MAP2K1: variants seen among roughly 807,000 people sequenced by gnomAD.
The protein encoded by MAP2K1 is dual specificity mitogen-activated protein kinase kinase 1.
In MAP2K1, 16 loss-of-function variants were observed where a neutral mutation model predicts 46.3. That is an observed-to-expected ratio of 0.35 (90% confidence interval 0.23 to 0.52). MAP2K1 has a LOEUF of 0.52. MAP2K1 is among the 20% of genes least tolerant of loss of function. The pLI is 0.94. For missense variants in MAP2K1, 263 were observed against 497.1 expected (o/e 0.53, Z 4.48); for synonymous variants, 183 against 185.6 (o/e 0.99, Z 0.11).
In MAP2K1 at chr15:66,491,159, GT is replaced by G; in HGVS notation, c.*546del. Reference sequence around the variant, plus strand: ...TTTGCTTTTCATGTAGAACTCAGCAGTTGACATCCAAATCTAGCCAGAGCCC... The same window carrying G: ...TTTGCTTTTCATGTAGAACTCAGCAGTGACATCCAAATCTAGCCAGAGCCC... On this transcript the variant is annotated 3_prime_UTR_variant, in exon 11 of 11. Coordinates refer to ENST00000307102, the MANE Select transcript of MAP2K1 (RefSeq NM_002755.4). The G allele has an allele frequency of 3.6e-6, 1 of 280,196 alleles. No individual in the cohort carries two copies. Among genetic ancestry groups the G allele is most frequent in the Non-Finnish European group, 6.8e-6 (1 of 146,566 alleles). 17.4% of individuals were successfully genotyped at this position (280,196 alleles called of 1,614,324 possible). A position where few individuals can be genotyped will look rare whatever the true frequency, so the allele number is the denominator to read the frequency against.
intron 1 of MAP2K1, among the ~76,000 whole-genome samples, chr15:66,433,217 T>C (rs55867854): frequency 0.056 from 8,561 of 152,248 alleles, 345 homozygotes; most frequent in Middle Eastern, 0.11. Flanking sequence ...TTCCCACACC[T>C]TAGGGACTGG....
intron 5 of MAP2K1, among the ~76,000 whole-genome samples, chr15:66,470,094 G>GTTT (rs55637393): frequency 0.022 from 1,715 of 76,546 alleles, 4 homozygotes; most frequent in Middle Eastern, 0.056. Flanking sequence ...TTTTTTTCTT[G>GTTT]TTTTTTTTTT....
At chr15:66,415,894 A>G (rs1280965800) in intron 1 of MAP2K1, among the ~76,000 whole-genome samples, 2 of 152,182 alleles carry the variant, frequency 1.3e-5, no homozygotes, top group South Asian at 2.1e-4. Flanking sequence ...ACTTTAGACT[A>G]TATATTTCTA....
At chr15:66,422,803 T>A (rs1299999058) in intron 1 of MAP2K1, among the ~76,000 whole-genome samples, 1 of 152,162 alleles carries the variant, frequency 6.6e-6, no homozygotes, top group Non-Finnish European at 1.5e-5. Flanking sequence ...CTTTATCTCT[T>A]CAAGTATTTC....
At chr15:66,452,287 TAAAAA>T (rs146502834) in intron 5 of MAP2K1, among the ~76,000 whole-genome samples, 1 of 103,626 alleles carries the variant, frequency 9.7e-6, no homozygotes, top group African/African-American at 3.8e-5. Flanking sequence ...TAGAGTATAA[TAAAAA>T]AAAAAAAAAA....
At chr15:66,487,102 G>A (rs887787821) in intron 7 of MAP2K1, 126 bp from the exon 8 acceptor site, 8 of 771,576 alleles carry the variant, frequency 1.0e-5, no homozygotes, top group Non-Finnish European at 1.8e-5. Flanking sequence ...AGCCTTATCT[G>A]TGGCTGTTTA....
Position 66,481,896 on chromosome 15 carries a change from C to A in MAP2K1, c.693+17C>A, listed in dbSNP as rs781502567. The A allele has an allele frequency of 1.2e-6, 2 of 1,612,514 alleles. No homozygotes were observed. The highest frequency in any genetic ancestry group is 2.2e-5 in the South Asian group (2 of 91,048). Reference sequence around the variant, plus strand: ...TACATGTCGGTATGAACAGAAGTTTCCATTGCTTGAGCTTCTTGTACGGTC... The same window carrying A: ...TACATGTCGGTATGAACAGAAGTTTACATTGCTTGAGCTTCTTGTACGGTC... On this transcript the variant is annotated intron_variant, in intron 6 of 10. Coordinates refer to ENST00000307102, the MANE Select transcript of MAP2K1 (RefSeq NM_002755.4).
intron 5 of MAP2K1, among the ~76,000 whole-genome samples, chr15:66,455,757 A>G (rs943534605): frequency 3.3e-5 from 5 of 152,238 alleles, no homozygotes; most frequent in Non-Finnish European, 7.3e-5. Flanking sequence ...TGTCTCTGCC[A>G]TAATGGAGCA....
At chr15:66,446,891 C>T (rs933344314) in intron 5 of MAP2K1, 12 of 162,904 alleles carry the variant, frequency 7.4e-5, no homozygotes, top group African/African-American at 2.4e-4. Context: ...TATATACATT[C>T]GTTGAAAGTC....
intron 5 of MAP2K1, among the ~76,000 whole-genome samples, chr15:66,468,236 A>T (rs1320612185): frequency 6.6e-6 from 1 of 152,220 alleles, no homozygotes; most frequent in Non-Finnish European, 1.5e-5. Context: ...AGACATACTG[A>T]TAGAAGTACA....
chr15:66,414,010 C>T (rs191635427), intron 1 of MAP2K1, among the ~76,000 whole-genome samples: 4 of 144,284 alleles, frequency 2.8e-5, no homozygotes, highest in Non-Finnish European at 6.0e-5. Context: ...GCATTCGTGG[C>T]TCTTATCATC....
At chr15:66,478,151 G>C (rs1215621973) in intron 5 of MAP2K1, among the ~76,000 whole-genome samples, 1 of 151,516 alleles carries the variant, frequency 6.6e-6, no homozygotes, top group Non-Finnish European at 1.5e-5. Flanking sequence ...TCACATCGTT[G>C]CTCAAATGTC....
intron 5 of MAP2K1, among the ~76,000 whole-genome samples, chr15:66,479,804 G>A (rs925685870): frequency 6.6e-6 from 1 of 152,194 alleles, no homozygotes; most frequent in Non-Finnish European, 1.5e-5. Context: ...GCTAGAGCTG[G>A]CCTGGAATGG....
chr15:66,426,107 T>C (rs948682659), intron 1 of MAP2K1, among the ~76,000 whole-genome samples: 1 of 151,742 alleles, frequency 6.6e-6, no homozygotes, highest in African/African-American at 2.4e-5. Context: ...ACTCTTAGGT[T>C]TTAGACGGGG....
intron 5 of MAP2K1, among the ~76,000 whole-genome samples, chr15:66,469,323 G>A (rs902265098): frequency 5.9e-5 from 9 of 152,166 alleles, no homozygotes; most frequent in Non-Finnish European, 1.3e-4. Flanking sequence ...AAAAACCCAA[G>A]AGTAGCCTCT....
chr15:66,454,346 CTTG>C (rs952175083), intron 5 of MAP2K1, among the ~76,000 whole-genome samples: 13 of 152,184 alleles, frequency 8.5e-5, no homozygotes, highest in Non-Finnish European at 1.8e-4. Flanking sequence ...GACTGTGCTA[CTTG>C]TTGTGTAACC....
At chr15:66,449,889 A>G (rs1340952586) in intron 5 of MAP2K1, among the ~76,000 whole-genome samples, 1 of 151,696 alleles carries the variant, frequency 6.6e-6, no homozygotes, top group Non-Finnish European at 1.5e-5. Flanking sequence ...AAAATCCTCA[A>G]TAAAATACTG....
At chr15:66,469,054 C>G (rs946800586) in intron 5 of MAP2K1, among the ~76,000 whole-genome samples, 2 of 146,756 alleles carry the variant, frequency 1.4e-5, no homozygotes, top group Non-Finnish European at 3.0e-5. Context: ...TCAGCAGTTC[C>G]AGACCAGCCT....
At chr15:66,452,314 AG>A (rs1234712669) in intron 5 of MAP2K1, among the ~76,000 whole-genome samples, 4 of 147,452 alleles carry the variant, frequency 2.7e-5, no homozygotes, top group Admixed American at 1.4e-4. Context: ...GAAAAAAAAA[AG>A]CTAAATATAG....
Sources: allele counts gnomAD v4.1 joint callset (sites outside exome capture counted in the v4.1 genomes callset), GRCh38; gene constraint gnomAD v4.1.1; transcripts MANE v1.5; gene names NCBI Gene and HGNC (gene_info 2026-07-23, HGNC 2026-07-21).